Variants in ST8SIA2 observed in about 807,000 individuals in gnomAD.
ST8SIA2 encodes the protein ST8 alpha-N-acetyl-neuraminide alpha-2,8-sialyltransferase 2, also known as alpha-2,8-sialyltransferase 8B.
A neutral mutation model predicts 37.6 loss-of-function variants in ST8SIA2; 22 were observed. That is an observed-to-expected ratio of 0.58 (90% CI 0.42 to 0.83). ST8SIA2 has a LOEUF of 0.83. Ranked by LOEUF, ST8SIA2 falls within the 40% of genes least tolerant of loss-of-function variation. ST8SIA2 has a pLI of 0.00. For synonymous variants in ST8SIA2, 205 were observed against 201.2 expected (o/e 1.02, Z -0.16); for missense variants, 382 against 484.7 (o/e 0.79, Z 1.99).
At position 92,466,230 on chromosome 15, in the gene ST8SIA2, A is replaced by G. The variant is rs1449692669; in HGVS notation, c.*1845A>G. 1 of 152,204 alleles carries G rather than the reference A, an allele frequency of 6.6e-6. No homozygotes were observed. Among genetic ancestry groups the G allele is most frequent in the Non-Finnish European group, 1.5e-5 (1 of 68,040 alleles). 9.4% of individuals were successfully genotyped at this position (152,204 alleles called of 1,614,324 possible). On this transcript the variant is annotated 3_prime_UTR_variant, in exon 6 of 6. Transcript: ENST00000268164. Reference sequence around the variant, plus strand: ...ATTGGGGATTTGCGTTATAAAATGAATATTTTAAAAAGCAACAGCCCTAAT... The same window carrying G: ...ATTGGGGATTTGCGTTATAAAATGAGTATTTTAAAAAGCAACAGCCCTAAT...
At position 92,468,444 on chromosome 15, in the gene ST8SIA2, A is replaced by T. The variant is rs1231174465; in HGVS notation, c.*4059A>T. The T allele has an allele frequency of 6.5e-6, 1 of 152,706 alleles. No homozygotes were observed. The highest frequency in any genetic ancestry group is 2.4e-5 in the African/African-American group (1 of 41,444). 9.5% of individuals were successfully genotyped at this position (152,706 alleles called of 1,614,324 possible). On this transcript the variant is annotated 3_prime_UTR_variant, in exon 6 of 6. Transcript: ENST00000268164. ...CTCCCTTTTCTTCCCTTCAAAGCCC[A>T]TGCGGAAACCACGTCCTTCATGAAG...
chr15:92,395,550 G>T (rs2049424805), intron 1 of ST8SIA2, among the ~76,000 whole-genome samples: 1 of 152,100 alleles, frequency 6.6e-6, no homozygotes, highest in African/African-American at 2.4e-5. Context: ...CTCATTCTCG[G>T]TTTCCCCAAG....
chr15:92,451,035 A>G (rs2049878051), intron 5 of ST8SIA2, among the ~76,000 whole-genome samples: 1 of 152,192 alleles, frequency 6.6e-6, no homozygotes, highest in African/African-American at 2.4e-5. Flanking sequence ...CTTGGACTTG[A>G]CGGACAGTTT....
chr15:92,403,290 A>G (rs2049484740), intron 1 of ST8SIA2, among the ~76,000 whole-genome samples: 5 of 152,126 alleles, frequency 3.3e-5, no homozygotes, highest in African/African-American at 2.4e-5. Flanking sequence ...GGTCTTAGCC[A>G]CTTTTTTATA....
At chr15:92,453,954 C>T (rs760801268) in intron 5 of ST8SIA2, among the ~76,000 whole-genome samples, 19 of 152,162 alleles carry the variant, frequency 1.2e-4, no homozygotes, top group Non-Finnish European at 2.5e-4. Context: ...CAAATAAGAT[C>T]ATCTGAAATG....
Position 92,428,291 on chromosome 15 carries a change from T to C in ST8SIA2, c.99-1758T>C, listed in dbSNP as rs535266895. Among the ~76,000 whole-genome samples, 4 of 152,332 alleles carry C rather than the reference T, an allele frequency of 2.6e-5. No homozygotes were observed. The East Asian group carries it at 5.8e-4, about 22-fold the overall frequency. Reference sequence around the variant, plus strand: ...ATATGAAAAACTGGTGATAGGGATCTGAAAATTACTAAAGTTTGGGAAACA... The same window carrying C: ...ATATGAAAAACTGGTGATAGGGATCCGAAAATTACTAAAGTTTGGGAAACA... On this transcript the variant is annotated intron_variant, in intron 1 of 5. Transcript: ENST00000268164.
At chr15:92,442,655 G>T (rs1407436125) in intron 4 of ST8SIA2, among the ~76,000 whole-genome samples, 1 of 152,168 alleles carries the variant, frequency 6.6e-6, no homozygotes, top group Non-Finnish European at 1.5e-5. Context: ...TGAGACCTGA[G>T]CAGCCCCACA....
At chr15:92,417,822 C>T (rs1351634204) in intron 1 of ST8SIA2, 4 of 152,182 alleles carry the variant, frequency 2.6e-5, no homozygotes, top group East Asian at 3.8e-4. Context: ...TCCTATACAT[C>T]GCTTTGAGTG....
At chr15:92,397,323 C>T (rs1020739464) in intron 1 of ST8SIA2, among the ~76,000 whole-genome samples, 15 of 152,082 alleles carry the variant, frequency 9.9e-5, no homozygotes, top group African/African-American at 3.4e-4. Flanking sequence ...AGGTCCTGTC[C>T]TGCCTGAAAA....
intron 1 of ST8SIA2, among the ~76,000 whole-genome samples, chr15:92,403,498 G>A (rs755449677): frequency 6.6e-6 from 1 of 152,138 alleles, no homozygotes; most frequent in African/African-American, 2.4e-5. Context: ...ACACTTCAGC[G>A]GAGGCTCTGG....
intron 3 of ST8SIA2, among the ~76,000 whole-genome samples, chr15:92,436,883 C>T (rs2049762760): frequency 6.6e-6 from 1 of 152,312 alleles, no homozygotes; most frequent in East Asian, 1.9e-4. Flanking sequence ...CCTGGACACA[C>T]ATTAAAGTCA....
intron 1 of ST8SIA2, among the ~76,000 whole-genome samples, chr15:92,426,705 G>T (rs2141825085): frequency 6.6e-6 from 1 of 152,316 alleles, no homozygotes; most frequent in African/African-American, 2.4e-5. Flanking sequence ...AAGTTCTAGA[G>T]GTCTGTACAG....
chr15:92,411,621 G>A (rs137936472), intron 1 of ST8SIA2, among the ~76,000 whole-genome samples: 11 of 152,276 alleles, frequency 7.2e-5, no homozygotes, highest in Middle Eastern at 3.4e-3. Flanking sequence ...ACCACTTACT[G>A]GAGCAACTAG....
intron 3 of ST8SIA2, among the ~76,000 whole-genome samples, chr15:92,435,979 A>G (rs11074071): frequency 0.63 from 95,260 of 151,852 alleles, 31,620 homozygotes; most frequent in African/African-American, 0.85. Context: ...CCATCCTCTC[A>G]CCGCTTCCAG....
intron 2 of ST8SIA2, 40 bp downstream of exon 2, chr15:92,430,151 A>C: frequency 6.3e-7 from 1 of 1,594,972 alleles, no homozygotes; most frequent in South Asian, 1.1e-5. Context: ...TTTTTGCTGT[A>C]AGGCAGCTAT....
At position 92,416,773 on chromosome 15, in the gene ST8SIA2, A is replaced by G. The variant is rs1482766807; in HGVS notation, c.99-13276A>G. On this transcript the variant is annotated intron_variant, in intron 1 of 5. Coordinates refer to ENST00000268164, the MANE Select transcript of ST8SIA2 (RefSeq NM_006011.4). Reference sequence around the variant, plus strand: ...CACCTCCTGGCCATGTGATCTTCGGATGTGCCTCTTGTGCTGAAGAAAAAA... The same window carrying G: ...CACCTCCTGGCCATGTGATCTTCGGGTGTGCCTCTTGTGCTGAAGAAAAAA... 2.0e-5 allele frequency among the ~76,000 whole-genome samples: 3 copies of G among 151,960 alleles called. No individual in the cohort carries two copies. In the East Asian group the frequency reaches 5.8e-4, roughly 29 times the overall value.
In ST8SIA2 at chr15:92,451,163, T is replaced by C. The variant is rs188107698; in HGVS notation, c.842+6234T>C. On this transcript the variant is annotated intron_variant, in intron 5 of 5. Transcript: ENST00000268164. ...CATTTGTATGAGGCCACCCAGCATC[T>C]AAGTGGCACAACCAGGAACTGAACT... Among the ~76,000 whole-genome samples, 6 of 152,316 alleles carry C rather than the reference T, an allele frequency of 3.9e-5. No homozygotes were observed. The East Asian group carries it at 7.7e-4, about 20-fold the overall frequency.
At chr15:92,453,823 C>T (rs936712329) in intron 5 of ST8SIA2, among the ~76,000 whole-genome samples, 1 of 152,168 alleles carries the variant, frequency 6.6e-6, no homozygotes, top group African/African-American at 2.4e-5. Context: ...ATAAAAAAGT[C>T]AATAGAACAA....
At chr15:92,437,205 C>G (rs1326234358) in intron 3 of ST8SIA2, among the ~76,000 whole-genome samples, 1 of 152,342 alleles carries the variant, frequency 6.6e-6, no homozygotes, top group Non-Finnish European at 1.5e-5. Flanking sequence ...GAATTTGCAG[C>G]AGAATATGAA....
Sources: gnomAD v4.1 joint callset for allele counts (sites outside exome capture counted in the v4.1 genomes callset) on GRCh38, gnomAD v4.1.1 for gene constraint, MANE v1.5 for transcripts, NCBI Gene and HGNC (gene_info 2026-07-23, HGNC 2026-07-21) for gene names.